Variants in RBFOX1 observed in about 807,000 individuals in gnomAD.
RBFOX1 encodes RNA binding protein fox-1 homolog 1.
RBFOX1 carries 8 observed loss-of-function variants against 57.7 expected under a neutral mutation model. The observed-to-expected ratio is 0.14, with a 90% confidence interval of 0.08 to 0.25. The LOEUF is 0.25. Among genes scored for constraint, RBFOX1 ranks in the 10% least tolerant of loss-of-function variants. The pLI is 1.00. For synonymous variants in RBFOX1, 326 were observed against 222.4 expected (o/e 1.47, Z -4.15); for missense variants, 611 against 548.5 (o/e 1.11, Z -1.14).
intron 3 of RBFOX1, among the ~76,000 whole-genome samples, chr16:5,841,622 CT>C (rs1450922107): frequency 1.3e-5 from 2 of 152,170 alleles, no homozygotes; most frequent in Non-Finnish European, 2.9e-5. Context: ...GGATATACTT[CT>C]GTTAATCTCT....
intron 3 of RBFOX1, among the ~76,000 whole-genome samples, chr16:5,847,477 G>T (rs1238744110): frequency 6.6e-6 from 1 of 152,138 alleles, no homozygotes; most frequent in Admixed American, 6.5e-5. Flanking sequence ...AGGAACTTCA[G>T]TGCCATTTGC....
intron 3 of RBFOX1, among the ~76,000 whole-genome samples, chr16:6,870,070 C>T (rs1407488313): frequency 6.6e-6 from 1 of 152,054 alleles, no homozygotes; most frequent in Non-Finnish European, 1.5e-5. Flanking sequence ...GTTAAACTGA[C>T]AATTTACTAA....
chr16:7,597,264 T>C (rs2094752477), intron 8 of RBFOX1, 107 bp from the exon 9 acceptor site: 4 of 742,426 alleles, frequency 5.4e-6, no homozygotes, highest in Non-Finnish European at 4.2e-6. Context: ...GCATTTTACT[T>C]TTTAGTTTTC....
At chr16:6,449,315 T>A (rs1763476518) in intron 2 of RBFOX1, among the ~76,000 whole-genome samples, 1 of 152,202 alleles carries the variant, frequency 6.6e-6, no homozygotes, top group African/African-American at 2.4e-5. Flanking sequence ...CTTACTGCCT[T>A]CTGTGGGGCA....
At chr16:5,434,549 C>T (rs1019113658) in intron 1 of RBFOX1, among the ~76,000 whole-genome samples, 1 of 151,776 alleles carries the variant, frequency 6.6e-6, no homozygotes, top group Admixed American at 6.6e-5. Flanking sequence ...AACTCCTGAC[C>T]TCAAGTGATC....
chr16:5,542,848 A>G (rs57030909), intron 2 of RBFOX1, among the ~76,000 whole-genome samples: 45,939 of 152,102 alleles, frequency 0.3, 7,491 homozygotes, highest in Non-Finnish European at 0.36. Flanking sequence ...TGTCCACTCA[A>G]TGACCCGTTC....
At chr16:7,557,033 G>C (rs1472205531) in intron 5 of RBFOX1, among the ~76,000 whole-genome samples, 1 of 152,122 alleles carries the variant, frequency 6.6e-6, no homozygotes, top group Non-Finnish European at 1.5e-5. Context: ...TTATTGAACA[G>C]TTATTTGGAG....
intron 4 of RBFOX1, among the ~76,000 whole-genome samples, chr16:7,284,208 G>T (rs1283154083): frequency 6.6e-6 from 1 of 152,176 alleles, no homozygotes; most frequent in Non-Finnish European, 1.5e-5. Flanking sequence ...TCCAGTTTTT[G>T]CTGATTATGA....
intron 3 of RBFOX1, among the ~76,000 whole-genome samples, chr16:6,797,482 C>T (rs1352066016): frequency 6.6e-6 from 1 of 152,084 alleles, no homozygotes; most frequent in African/African-American, 2.4e-5. Flanking sequence ...CCTGTTTCCC[C>T]CAGTACAAGC....
intron 3 of RBFOX1, among the ~76,000 whole-genome samples, chr16:6,843,864 A>G (rs1186316704): frequency 2.6e-5 from 4 of 152,140 alleles, no homozygotes; most frequent in Non-Finnish European, 5.9e-5. Flanking sequence ...TTCCCTCAAT[A>G]TCTTCATATC....
intron 4 of RBFOX1, among the ~76,000 whole-genome samples, chr16:7,056,287 C>G (rs543399121): frequency 6.6e-6 from 1 of 152,206 alleles, no homozygotes; most frequent in Non-Finnish European, 1.5e-5. Flanking sequence ...CACTACACAA[C>G]AGGGAAACTT....
intron 4 of RBFOX1, among the ~76,000 whole-genome samples, chr16:7,400,077 G>A (rs138612521): frequency 6.6e-6 from 1 of 152,278 alleles, no homozygotes; most frequent in Non-Finnish European, 1.5e-5. Flanking sequence ...AGGAGGGGAA[G>A]ACCATTTTTC....
intron 1 of RBFOX1, among the ~76,000 whole-genome samples, chr16:6,311,025 G>C (rs932677159): frequency 2.6e-5 from 4 of 152,064 alleles, no homozygotes. Context: ...GCCTGGATGT[G>C]GTGGCTCACA....
intron 4 of RBFOX1, among the ~76,000 whole-genome samples, chr16:7,166,408 A>G (rs1470013348): frequency 6.6e-6 from 1 of 152,128 alleles, no homozygotes; most frequent in African/African-American, 2.4e-5. Flanking sequence ...GTAAGGAAAG[A>G]TAGAAAACTA....
chr16:6,566,449 T>C (rs962557052), intron 2 of RBFOX1, among the ~76,000 whole-genome samples: 1 of 152,160 alleles, frequency 6.6e-6, no homozygotes, highest in Non-Finnish European at 1.5e-5. Flanking sequence ...CTTCTCTTCT[T>C]AGTGAGCCTA....
chr16:5,829,809 C>A (rs989298254), intron 3 of RBFOX1, among the ~76,000 whole-genome samples: 2 of 152,138 alleles, frequency 1.3e-5, no homozygotes, highest in Non-Finnish European at 2.9e-5. Context: ...ACTACAGAAT[C>A]AAAGAGAAAT....
At chr16:5,904,838 A>G (rs376874081) in intron 4 of RBFOX1, among the ~76,000 whole-genome samples, 13 of 151,374 alleles carry the variant, frequency 8.6e-5, no homozygotes, top group Non-Finnish European at 1.3e-4. Context: ...TTAACCGGGC[A>G]TGGTGGTGGG....
intron 4 of RBFOX1, among the ~76,000 whole-genome samples, chr16:7,203,103 C>G (rs561376746): frequency 1.3e-5 from 2 of 152,254 alleles, no homozygotes; most frequent in South Asian, 2.1e-4. Context: ...TGTTTTTACA[C>G]TCATATTCAT....
intron 3 of RBFOX1, among the ~76,000 whole-genome samples, chr16:5,717,331 T>C (rs11076956): frequency 0.2 from 31,150 of 152,070 alleles, 4,447 homozygotes; most frequent in East Asian, 0.63. Flanking sequence ...CATCTATCTT[T>C]TTTTCTTAAT....
Sources: allele counts gnomAD v4.1 joint callset (sites outside exome capture counted in the v4.1 genomes callset), GRCh38; gene constraint gnomAD v4.1.1; transcripts MANE v1.5; gene names NCBI Gene and HGNC (gene_info 2026-07-23, HGNC 2026-07-21).